The following LRRTM4 variants were observed in gnomAD, a reference collection of about 807,000 sequenced individuals.
The protein encoded by LRRTM4 is leucine-rich repeat transmembrane neuronal protein 4.
In LRRTM4, 25 loss-of-function variants were observed where a neutral mutation model predicts 47.6. The ratio of observed to expected loss-of-function variants is 0.53; its 90% CI spans 0.38 to 0.73. LRRTM4 has a LOEUF of 0.73. Ranked by LOEUF, LRRTM4 falls within the 30% of genes least tolerant of loss-of-function variation. The pLI is 0.00. For synonymous variants in LRRTM4, 311 were observed against 269.5 expected, an observed-to-expected ratio of 1.15 and a Z score of -1.51; for missense variants, 638 against 713.4, an observed-to-expected ratio of 0.89 and a Z score of 1.20.
intron 3 of LRRTM4, among the ~76,000 whole-genome samples, chr2:76,974,229 T>TATATAC (rs1558771807): frequency 5.9e-5 from 6 of 101,744 alleles, no homozygotes; most frequent in Admixed American, 2.0e-4. Context: ...TATACATACA[T>TATATAC]ATATATATAT....
At chr2:76,908,338 T>G (rs955859726) in intron 3 of LRRTM4, among the ~76,000 whole-genome samples, 2 of 152,056 alleles carry the variant, frequency 1.3e-5, no homozygotes, top group African/African-American at 4.8e-5. Context: ...TGATGGGCCA[T>G]ATCTCAAAAT....
chr2:76,843,359 A>T (rs60241064), intron 3 of LRRTM4, among the ~76,000 whole-genome samples: 40,425 of 151,640 alleles, frequency 0.27, 6,278 homozygotes, highest in East Asian at 0.55. Flanking sequence ...ACCCTTTTTT[A>T]AAAAAAACTT....
chr2:77,325,540 T>C (rs1173033506), intron 3 of LRRTM4, among the ~76,000 whole-genome samples: 1 of 152,154 alleles, frequency 6.6e-6, no homozygotes, highest in African/African-American at 2.4e-5. Context: ...GAGAGTAGTG[T>C]GAGAGAACGG....
At chr2:77,518,209 G>T in intron 3 of LRRTM4, 109 bp downstream of exon 3, 1 of 1,377,102 alleles carries the variant, frequency 7.3e-7, no homozygotes, top group Non-Finnish European at 9.4e-7. Flanking sequence ...AAACCCAAAA[G>T]CAAAAGGGTC....
intron 3 of LRRTM4, among the ~76,000 whole-genome samples, chr2:77,322,948 C>G (rs940679611): frequency 6.6e-6 from 1 of 151,546 alleles, no homozygotes; most frequent in Non-Finnish European, 1.5e-5. Context: ...GTAATAAAAA[C>G]ACTACAATAG....
At chr2:77,181,960 T>C (rs562431416) in intron 3 of LRRTM4, among the ~76,000 whole-genome samples, 5 of 152,166 alleles carry the variant, frequency 3.3e-5, no homozygotes, top group Non-Finnish European at 7.4e-5. Flanking sequence ...GGAATGCTTT[T>C]ACACTGTTGG....
chr2:77,161,873 G>A (rs1354498122), intron 3 of LRRTM4, among the ~76,000 whole-genome samples: 1 of 152,110 alleles, frequency 6.6e-6, no homozygotes, highest in South Asian at 2.1e-4. Flanking sequence ...ATTGTCTAGT[G>A]CAATTAGTTG....
rs532990851 is a variant in LRRTM4, at chr2:76,775,745, CTCTT to C, written c.1552-26833_1552-26830del. On this transcript the variant is annotated intron_variant, in intron 3 of 3. Coordinates refer to ENST00000409884, the MANE Select transcript of LRRTM4 (RefSeq NM_001134745.3). Reference sequence around the variant, plus strand: ...GTTAAATCTTGGTGCTCATTTCTCTCTCTTTTTTTTAAATTTATTTTTTTATTAT... The same window carrying C: ...GTTAAATCTTGGTGCTCATTTCTCTCTTTTTTAAATTTATTTTTTTATTAT... 2.0e-3 allele frequency among the ~76,000 whole-genome samples: 310 copies of C among 151,962 alleles called. 5 individuals are homozygous for C. The South Asian group carries it at 0.037, about 18-fold the overall frequency.
chr2:76,833,569 A>C (rs1215153846), intron 3 of LRRTM4, among the ~76,000 whole-genome samples: 4 of 125,124 alleles, frequency 3.2e-5, no homozygotes, highest in African/African-American at 1.0e-4. Flanking sequence ...TCCACTTATA[A>C]ATTTATATTC....
chr2:77,377,559 G>T (rs998454392), intron 3 of LRRTM4, among the ~76,000 whole-genome samples: 1 of 151,808 alleles, frequency 6.6e-6, no homozygotes, highest in Non-Finnish European at 1.5e-5. Context: ...TCTTTTCTGT[G>T]TCTCTGACTT....
chr2:76,835,191 A>G, intron 3 of LRRTM4, among the ~76,000 whole-genome samples: 1 of 152,116 alleles, frequency 6.6e-6, no homozygotes, highest in East Asian at 1.9e-4. Context: ...AAGTATAATG[A>G]ATAAAACTTA....
chr2:77,203,928 T>A (rs1040625393), intron 3 of LRRTM4, among the ~76,000 whole-genome samples: 1 of 152,210 alleles, frequency 6.6e-6, no homozygotes, highest in African/African-American at 2.4e-5. Context: ...TCATTTTCCT[T>A]CTTTTAGGTC....
At chr2:77,141,390 G>A (rs1254795007) in intron 3 of LRRTM4, among the ~76,000 whole-genome samples, 11 of 150,046 alleles carry the variant, frequency 7.3e-5, no homozygotes, top group South Asian at 2.1e-4. Context: ...CAAACACTGC[G>A]TGTTCTCACT....
rs909466067 is a variant in LRRTM4 at position 77,396,018 on chromosome 2, G to C, written c.1551+122300C>G. Among the ~76,000 whole-genome samples the C allele has an allele frequency of 2.0e-5, 3 of 151,958 alleles. No individual in the cohort carries two copies. The South Asian group carries it at 6.2e-4, about 32-fold the overall frequency. ...TTATATTTTATATTTTTCAGGCTTG[G>C]AATTAATATTTGCACAGAAACATTT... On this transcript the variant is annotated intron_variant, in intron 3 of 3. Coordinates refer to ENST00000409884, the MANE Select transcript of LRRTM4 (RefSeq NM_001134745.3).
chr2:76,841,529 A>C (rs1304169246), intron 3 of LRRTM4, among the ~76,000 whole-genome samples: 1 of 152,036 alleles, frequency 6.6e-6, no homozygotes, highest in Non-Finnish European at 1.5e-5. Flanking sequence ...CTGGGATGGG[A>C]AGGAAATTGA....
chr2:77,181,733 G>C (rs1340441799), intron 3 of LRRTM4, among the ~76,000 whole-genome samples: 1 of 151,898 alleles, frequency 6.6e-6, no homozygotes, highest in Non-Finnish European at 1.5e-5. Context: ...ATAAATTTAT[G>C]ATGATGCAAA....
At chr2:76,895,195 A>C (rs908287493) in intron 3 of LRRTM4, among the ~76,000 whole-genome samples, 10 of 151,988 alleles carry the variant, frequency 6.6e-5, no homozygotes, top group Admixed American at 6.6e-4. Context: ...TCCTGTGTTA[A>C]TTTATAATTC....
intron 3 of LRRTM4, among the ~76,000 whole-genome samples, chr2:77,423,441 G>A (rs1358027553): frequency 6.6e-6 from 1 of 151,988 alleles, no homozygotes; most frequent in African/African-American, 2.4e-5. Flanking sequence ...ACAAAAAATT[G>A]AACTTTCTGT....
intron 3 of LRRTM4, among the ~76,000 whole-genome samples, chr2:76,838,875 G>A (rs188130847): frequency 5.3e-5 from 8 of 151,960 alleles, no homozygotes; most frequent in East Asian, 1.9e-4. Context: ...TTCATAATTC[G>A]TTATTTAAGG....
Sources: gnomAD v4.1 joint callset for allele counts (sites outside exome capture counted in the v4.1 genomes callset) on GRCh38, gnomAD v4.1.1 for gene constraint, MANE v1.5 for transcripts, NCBI Gene and HGNC (gene_info 2026-07-23, HGNC 2026-07-21) for gene names.